The following ARMH1 variants were observed in gnomAD, a reference collection of about 807,000 sequenced individuals.
ARMH1 encodes armadillo-like helical domain containing protein 1.
Under a neutral mutation model 50.2 loss-of-function variants are expected in ARMH1, and 34 were observed. That is an observed-to-expected ratio of 0.68 (90% confidence interval 0.51 to 0.90). The LOEUF (loss-of-function observed/expected upper bound fraction) is 0.90. Among genes scored for constraint, ARMH1 ranks in the 40% least tolerant of loss-of-function variants. ARMH1 has a pLI of 0.00. For synonymous variants in ARMH1, 221 were observed against 224.2 expected, an observed-to-expected ratio of 0.99 and a Z score of 0.13; for missense variants, 538 against 553.9, an observed-to-expected ratio of 0.97 and a Z score of 0.29.
chr1:44,697,108 G>C lies in ARMH1; in HGVS notation c.213G>C (p.Met71Ile). 6.4e-7 allele frequency: 1 copy of C among 1,551,642 alleles called. No individual in the cohort carries two copies. The highest frequency in any genetic ancestry group is 1.4e-5 in the African/African-American group (1 of 73,120). The change falls in exon 3 of 12, where the codon ATG (methionine) becomes ATC (isoleucine). Residue 71 changes from methionine (M) to isoleucine (I), a missense_variant. Transcript: ENST00000535358. The stretch of plus-strand genomic sequence containing the variant: ...TCTTTAACGTGTCATACAGCTATAT[G>C]ACTGACTCATGTTTAGAAAAGCTTC... Reference protein sequence around the residue: ...RLTTSLRITYMTDSCLEKLLR... With the variant: ...RLTTSLRITYITDSCLEKLLR...
At position 44,683,526 on chromosome 1, in the gene ARMH1, T is replaced by G. The variant is rs1645377275; in HGVS notation, c.-22-6150T>G. Reference sequence around the variant, plus strand: ...CAATGGCAACTGAGGATTCAGAGAGTCTGGAGTAGAACCAGGGGATTCTGG... The same window carrying G: ...CAATGGCAACTGAGGATTCAGAGAGGCTGGAGTAGAACCAGGGGATTCTGG... On this transcript the variant is annotated intron_variant, in intron 1 of 11. Coordinates refer to ENST00000535358, the MANE Select transcript of ARMH1 (RefSeq NM_001145636.2). The surrounding 1 kb of genome is among the most constrained non-coding windows in gnomAD (Gnocchi z 4.2). 6.6e-6 allele frequency among the ~76,000 whole-genome samples: 1 copy of G among 151,936 alleles called. No individual in the cohort carries two copies. The highest frequency in any genetic ancestry group is 1.5e-5 in the Non-Finnish European group (1 of 67,982).
intron 1 of ARMH1, among the ~76,000 whole-genome samples, chr1:44,686,398 G>A (rs895797405): frequency 6.6e-5 from 10 of 152,198 alleles, no homozygotes; most frequent in African/African-American, 9.6e-5. Flanking sequence ...TTAACCTGCC[G>A]GGCACAGTGG....
In ARMH1 at chr1:44,674,716, A is replaced by G; in HGVS notation, c.-180A>G. ...AGGAAGAGTCCCCACCCTCTCATGT[A>G]GGTGAGAGGCGGCTGAAGAGTTGCT... is the stretch of plus-strand genomic sequence containing the variant. On this transcript the variant is annotated 5_prime_UTR_variant, in exon 1 of 12. Transcript: ENST00000535358. 3.1e-6 allele frequency: 1 copy of G among 325,722 alleles called. No individual in the cohort carries two copies. 20.2% of individuals were successfully genotyped at this position (325,722 alleles called of 1,614,324 possible).
chr1:44,719,513 G>A (rs968852743), intron 6 of ARMH1, among the ~76,000 whole-genome samples: 1 of 152,246 alleles, frequency 6.6e-6, no homozygotes, highest in African/African-American at 2.4e-5. Context: ...ACCCAGGAGA[G>A]CTGAGCATGC....
Position 44,725,250 on chromosome 1 carries a change from C to T in ARMH1, c.1210+33C>T, listed in dbSNP as rs116031938. ...TGGGACGAGGGAAGCCGGGCGCAGG[C>T]GCCGCCAGCACAGCCTCACGCCCGC... On this transcript the variant is annotated intron_variant, in intron 11 of 11. Transcript: ENST00000535358. The T allele has an allele frequency of 6.6e-4, 1,029 of 1,551,710 alleles. 6 individuals carry two copies. In the African/African-American group the frequency reaches 0.012, roughly 19 times the overall value.
rs781557603 is a variant in ARMH1, at chr1:44,698,229, G to T, written c.442G>T (p.Gly148Cys). ...CAAGGAACTCATTTGTGAAAGCTAT[G>T]GTGGGTACTGTGTGTGACAAGATGT... ...TYKELICESY[G>C]VRSIAEFLAK... The change falls in exon 4 of 12, where the codon GGT (glycine) becomes TGT (cysteine). Residue 148 changes from glycine to cysteine, a missense_variant and splice_region_variant. Physicochemically the swap from Gly to Cys is radical, Grantham distance 159 (BLOSUM62 -3). Coordinates refer to ENST00000535358, the MANE Select transcript of ARMH1 (RefSeq NM_001145636.2). 3.9e-6 allele frequency: 6 copies of T among 1,551,214 alleles called. No homozygotes were observed. The highest frequency in any genetic ancestry group is 5.2e-6 in the Non-Finnish European group (6 of 1,146,390).
At position 44,724,277 on chromosome 1, in the gene ARMH1, C is replaced by T; in HGVS notation, c.847+33C>T. 6.4e-7 allele frequency: 1 copy of T among 1,551,022 alleles called. No individual in the cohort carries two copies. The highest frequency in any genetic ancestry group is 8.7e-7 in the Non-Finnish European group (1 of 1,146,468). On this transcript the variant is annotated intron_variant, in intron 7 of 11. Coordinates refer to ENST00000535358, the MANE Select transcript of ARMH1 (RefSeq NM_001145636.2). This position sits in a 1 kb window ranked among gnomAD's most constrained non-coding sequence, Gnocchi z 6.4. ...CCTGCTCAAATGGGGCTGCCTGGGC[C>T]ACGGGAGGGCGGTCTCTTGCCTCAC...
At chr1:44,713,537 C>T (rs182878543) in intron 6 of ARMH1, among the ~76,000 whole-genome samples, 1 of 152,300 alleles carries the variant, frequency 6.6e-6, no homozygotes, top group Admixed American at 6.5e-5. Flanking sequence ...TAAAAACCTG[C>T]TATTTTTAAA....
In ARMH1 at chr1:44,682,146, G is replaced by A. The variant is rs904359209; in HGVS notation, c.-23+7273G>A. 3.9e-5 allele frequency among the ~76,000 whole-genome samples: 6 copies of A among 152,206 alleles called. No homozygotes were observed. Among genetic ancestry groups the A allele is most frequent in the African/African-American group, 1.4e-4 (6 of 41,438 alleles). On this transcript the variant is annotated intron_variant, in intron 1 of 11. Transcript: ENST00000535358. The surrounding 1 kb of genome is among the most constrained non-coding windows in gnomAD (Gnocchi z 4.5). ...AATGTGCAGAGCTAAGGAAATTAAA[G>A]TGCACATTCTGAGCACAGTGTGTTG...
intron 6 of ARMH1, among the ~76,000 whole-genome samples, chr1:44,704,822 A>G (rs1409407496): frequency 7.7e-6 from 1 of 129,242 alleles, no homozygotes; most frequent in Non-Finnish European, 1.6e-5. Flanking sequence ...AGGAGCTTTT[A>G]TTTATTGAGA....
chr1:44,692,483 C>T (rs1645690430), intron 2 of ARMH1, among the ~76,000 whole-genome samples: 1 of 152,128 alleles, frequency 6.6e-6, no homozygotes, highest in Non-Finnish European at 1.5e-5. Flanking sequence ...ATCCAGTGGG[C>T]AAGAATCGCA....
At chr1:44,720,301 T>C (rs1489693013) in intron 6 of ARMH1, among the ~76,000 whole-genome samples, 1 of 151,864 alleles carries the variant, frequency 6.6e-6, no homozygotes, top group African/African-American at 2.4e-5. Flanking sequence ...AGGAAAGTTC[T>C]GTAGCTGTGT....
At position 44,698,241 on chromosome 1, in the gene ARMH1, G is replaced by A. The variant is rs1210502554; in HGVS notation, c.442+12G>A. ...TTGTGAAAGCTATGGTGGGTACTGT[G>A]TGTGACAAGATGTGTCTCCCTAGGG... is the stretch of plus-strand genomic sequence containing the variant. On this transcript the variant is annotated intron_variant, in intron 4 of 11. Transcript: ENST00000535358. 6.5e-6 allele frequency: 10 copies of A among 1,546,700 alleles called. No homozygotes were observed. In the African/African-American group the frequency reaches 1.2e-4, roughly 19 times the overall value.
intron 6 of ARMH1, among the ~76,000 whole-genome samples, chr1:44,711,458 T>C (rs1646609802): frequency 6.6e-6 from 1 of 152,260 alleles, no homozygotes; most frequent in South Asian, 2.1e-4. Flanking sequence ...CATAGACTTG[T>C]TGTCCATTTG....
chr1:44,724,235 A>G lies in ARMH1; in HGVS notation c.838A>G (p.Ile280Val), dbSNP rs958718292. ...GGAGATCTCCAAACTGCAGGCCAAG[A>G]TCCTCAGTGGTAAGGACCTGCTCAA... ...VKEISKLQAK[I>V]LSDPSVLQLT... is the part of the protein sequence containing the mutation. Residue 280 changes from isoleucine (I) to valine (V), a missense_variant, in exon 7 of 12, where the codon ATC becomes GTC. Ile to Val is a conservative substitution (Grantham distance 29). Coordinates refer to ENST00000535358, the MANE Select transcript of ARMH1 (RefSeq NM_001145636.2). This position sits in a 1 kb window ranked among gnomAD's most constrained non-coding sequence, Gnocchi z 6.4. 1.9e-6 allele frequency: 3 copies of G among 1,551,490 alleles called. No homozygotes were observed. Among genetic ancestry groups the G allele is most frequent in the Non-Finnish European group, 1.7e-6 (2 of 1,146,976 alleles).
chr1:44,721,386 C>G (rs924328253), intron 6 of ARMH1, among the ~76,000 whole-genome samples: 3 of 152,028 alleles, frequency 2.0e-5, no homozygotes, highest in Admixed American at 6.6e-5. Context: ...AATATGAGAC[C>G]AGTCCAAAGT....
At chr1:44,721,651 C>G (rs562709794) in intron 6 of ARMH1, 2 of 152,104 alleles carry the variant, frequency 1.3e-5, no homozygotes, top group Non-Finnish European at 2.9e-5. Context: ...ATTGCTTGAG[C>G]ATGGGAGATG....
chr1:44,676,119 T>C (rs368699226), intron 1 of ARMH1, among the ~76,000 whole-genome samples: 13 of 152,110 alleles, frequency 8.5e-5, no homozygotes, highest in Admixed American at 3.9e-4. Context: ...TAGACACTTA[T>C]AGCTAGAAAA....
intron 5 of ARMH1, among the ~76,000 whole-genome samples, chr1:44,703,601 C>T (rs944619404): frequency 1.3e-5 from 2 of 150,100 alleles, no homozygotes; most frequent in African/African-American, 2.4e-5. Context: ...TGGTGGCGGG[C>T]ACCTGTAATC....
Sources: gnomAD v4.1 joint callset for allele counts (sites outside exome capture counted in the v4.1 genomes callset) on GRCh38, gnomAD v4.1.1 for gene constraint, Gnocchi (gnomAD v3.1) non-coding constraint, MANE v1.5 for transcripts, NCBI Gene and HGNC (gene_info 2026-07-23, HGNC 2026-07-21) for gene names.